NKAIN2: variants seen among roughly 807,000 people sequenced by gnomAD.
NKAIN2 encodes the protein sodium/potassium-transporting ATPase subunit beta-1-interacting protein 2.
Under a neutral mutation model 32.6 loss-of-function variants are expected in NKAIN2, and 14 were observed. That is an observed-to-expected ratio of 0.43 (90% CI 0.28 to 0.67). NKAIN2 has a LOEUF of 0.67. NKAIN2 is among the 30% of genes least tolerant of loss of function. The pLI is 0.17. For synonymous variants in NKAIN2, 80 were observed against 87.2 expected, an observed-to-expected ratio of 0.92 and a Z score of 0.46; for missense variants, 198 against 258.3, an observed-to-expected ratio of 0.77 and a Z score of 1.60.
chr6:123,940,850 T>A (rs1176510271), intron 1 of NKAIN2, among the ~76,000 whole-genome samples: 5 of 151,932 alleles, frequency 3.3e-5, no homozygotes, highest in Admixed American at 2.0e-4. Context: ...ATTTAAAAAA[T>A]TTTTCATTCT....
intron 4 of NKAIN2, among the ~76,000 whole-genome samples, chr6:124,739,957 A>C (rs1174742064): frequency 6.6e-6 from 1 of 151,814 alleles, no homozygotes; most frequent in African/African-American, 2.4e-5. Flanking sequence ...AAAGGTTTAA[A>C]TGTTCTCTGG....
At chr6:124,720,098 G>A (rs1016114191) in intron 4 of NKAIN2, among the ~76,000 whole-genome samples, 2 of 152,058 alleles carry the variant, frequency 1.3e-5, no homozygotes, top group African/African-American at 2.4e-5. Flanking sequence ...CAGTCAAACT[G>A]AAAGGAATAA....
chr6:124,764,993 C>G (rs1232377002), intron 4 of NKAIN2, among the ~76,000 whole-genome samples: 1 of 152,086 alleles, frequency 6.6e-6, no homozygotes. Context: ...AACTAAGTTC[C>G]ACTAGGTTTA....
intron 3 of NKAIN2, among the ~76,000 whole-genome samples, chr6:124,535,401 A>G (rs551659928): frequency 2.2e-4 from 33 of 152,358 alleles, no homozygotes; most frequent in Admixed American, 1.3e-3. Flanking sequence ...CTGGCACTCA[A>G]ATCAGTAGTT....
Position 124,412,645 on chromosome 6 carries a change from T to G in NKAIN2, c.273+57298T>G, listed in dbSNP as rs1172964538. Among the ~76,000 whole-genome samples the G allele has an allele frequency of 2.0e-5, 3 of 152,210 alleles. No individual in the cohort carries two copies. In the East Asian group the frequency reaches 5.8e-4, roughly 29 times the overall value. On this transcript the variant is annotated intron_variant, in intron 3 of 6. Transcript: ENST00000368417. ...CGGGGACCCACTTGAGGAGGCAGTC[T>G]GCCCATTCTCAGATCTCAAGCTGCG...
chr6:124,485,955 T>C (rs1015260715), intron 3 of NKAIN2, among the ~76,000 whole-genome samples: 12 of 152,156 alleles, frequency 7.9e-5, no homozygotes, highest in Non-Finnish European at 1.2e-4. Flanking sequence ...TGAATTTCTT[T>C]CATAAAGCTG....
Position 124,687,486 on chromosome 6 carries a change from T to TTCCATACATATACATACATGGTATATAG in NKAIN2, c.474+29127_474+29128insGTCCATACATATACATACATGGTATATA, listed in dbSNP as rs1562324768. ...TATACACATACATGGAATATATATA[T>TTCCATACATATACATACATGGTATATAG]TCCATACATATACATACATGGTATA... On this transcript the variant is annotated intron_variant, in intron 4 of 6. Coordinates refer to ENST00000368417, the MANE Select transcript of NKAIN2 (RefSeq NM_001040214.3). Among the ~76,000 whole-genome samples the TTCCATACATATACATACATGGTATATAG allele has an allele frequency of 2.5e-4, 17 of 68,436 alleles. 1 individual carries two copies. Among genetic ancestry groups the TTCCATACATATACATACATGGTATATAG allele is most frequent in the East Asian group, 1.1e-3 (2 of 1,898 alleles). The allele number at this position is 68,436 out of a possible 152,430, so 44.9% of individuals were successfully genotyped here.
chr6:123,875,423 C>T (rs1582695462), intron 1 of NKAIN2, among the ~76,000 whole-genome samples: 1 of 151,906 alleles, frequency 6.6e-6, no homozygotes, highest in Non-Finnish European at 1.5e-5. Flanking sequence ...TGAGGTTAAA[C>T]ATTTACTCAT....
intron 1 of NKAIN2, among the ~76,000 whole-genome samples, chr6:124,051,757 A>C (rs1396699869): frequency 1.3e-5 from 2 of 152,080 alleles, no homozygotes; most frequent in Non-Finnish European, 2.9e-5. Flanking sequence ...GAAGTTCATC[A>C]AAGGGGCATA....
chr6:124,705,810 A>G (rs966034971), intron 4 of NKAIN2, among the ~76,000 whole-genome samples: 3 of 152,092 alleles, frequency 2.0e-5, no homozygotes, highest in African/African-American at 7.2e-5. Context: ...ACGGGTTAGA[A>G]AAGAGTTTAT....
At chr6:124,693,141 T>C (rs1217369494) in intron 4 of NKAIN2, among the ~76,000 whole-genome samples, 1 of 152,212 alleles carries the variant, frequency 6.6e-6, no homozygotes, top group Non-Finnish European at 1.5e-5. Context: ...GGGAGTACAT[T>C]TATGAGCCAC....
intron 1 of NKAIN2, among the ~76,000 whole-genome samples, chr6:124,011,464 A>G (rs1394037436): frequency 6.6e-6 from 1 of 151,612 alleles, no homozygotes; most frequent in Non-Finnish European, 1.5e-5. Context: ...TCATTTATGC[A>G]GTACATAGTC....
At chr6:124,195,895 T>C (rs184575462) in intron 1 of NKAIN2, among the ~76,000 whole-genome samples, 1 of 152,200 alleles carries the variant, frequency 6.6e-6, no homozygotes, top group Admixed American at 6.5e-5. Context: ...TACCCCTTTT[T>C]CCTTTCTTCA....
chr6:124,665,168 C>G (rs1772729455), intron 4 of NKAIN2, among the ~76,000 whole-genome samples: 1 of 152,028 alleles, frequency 6.6e-6, no homozygotes, highest in Non-Finnish European at 1.5e-5. Context: ...AAAAATCCTA[C>G]AATTCATATG....
At chr6:124,723,286 G>T (rs2114637405) in intron 4 of NKAIN2, among the ~76,000 whole-genome samples, 1 of 152,306 alleles carries the variant, frequency 6.6e-6, no homozygotes, top group Admixed American at 6.5e-5. Flanking sequence ...GCCACACAGT[G>T]ACAATTTACA....
chr6:124,784,760 A>C (rs1779427076), intron 4 of NKAIN2, among the ~76,000 whole-genome samples: 1 of 152,024 alleles, frequency 6.6e-6, no homozygotes, highest in South Asian at 2.1e-4. Flanking sequence ...GTAGGAGTGC[A>C]ATTGCTGGAT....
intron 3 of NKAIN2, among the ~76,000 whole-genome samples, chr6:124,573,376 A>T (rs1481304277): frequency 1.3e-5 from 2 of 151,822 alleles, no homozygotes; most frequent in Admixed American, 6.6e-5. Flanking sequence ...TATTTTACGC[A>T]CCAAGACCTG....
intron 1 of NKAIN2, among the ~76,000 whole-genome samples, chr6:124,071,405 A>G (rs1783461921): frequency 6.6e-6 from 1 of 152,178 alleles, no homozygotes; most frequent in Non-Finnish European, 1.5e-5. Context: ...TCTAGACATC[A>G]GACTTTGGAA....
At chr6:124,576,775 T>C (rs1781351912) in intron 3 of NKAIN2, among the ~76,000 whole-genome samples, 1 of 152,186 alleles carries the variant, frequency 6.6e-6, no homozygotes, top group African/African-American at 2.4e-5. Flanking sequence ...TGTAGACTTT[T>C]GTATAGTGTC....
Sources: gnomAD v4.1 joint callset for allele counts (sites outside exome capture counted in the v4.1 genomes callset) on GRCh38, gnomAD v4.1.1 for gene constraint, MANE v1.5 for transcripts, NCBI Gene and HGNC (gene_info 2026-07-23, HGNC 2026-07-21) for gene names.